Variants in GIGYF2 observed in about 807,000 individuals in gnomAD.
The protein encoded by GIGYF2 is GRB10 interacting GYF protein 2.
In GIGYF2, 25 loss-of-function variants were observed where a neutral mutation model predicts 208.1. The observed-to-expected ratio is 0.12, with a 90% CI of 0.09 to 0.17. The LOEUF is 0.17. Among genes scored for constraint, GIGYF2 ranks in the 10% least tolerant of loss-of-function variants. The pLI is 1.00. For missense variants in GIGYF2, 1,302 were observed against 1,579.4 expected (o/e 0.82, Z 2.98); for synonymous variants, 534 against 543.8 (o/e 0.98, Z 0.25).
intron 8 of GIGYF2, among the ~76,000 whole-genome samples, chr2:232,763,063 C>CAG (rs1698812622): frequency 6.6e-6 from 1 of 152,104 alleles, no homozygotes; most frequent in African/African-American, 2.4e-5. Context: ...AAATTGGGAA[C>CAG]AGACTAGGTA....
intron 14 of GIGYF2, among the ~76,000 whole-genome samples, chr2:232,804,129 T>A (rs1344196418): frequency 6.6e-6 from 1 of 152,164 alleles, no homozygotes; most frequent in Non-Finnish European, 1.5e-5. Flanking sequence ...GCTTTGTATT[T>A]CCTTCGCCTT....
At chr2:232,769,013 A>G (rs1391347977) in intron 8 of GIGYF2, among the ~76,000 whole-genome samples, 3 of 152,228 alleles carry the variant, frequency 2.0e-5, no homozygotes, top group Admixed American at 1.3e-4. Flanking sequence ...TTTAAAAACC[A>G]TGATTTCAGA....
chr2:232,855,292 T>C (rs1367343895), intron 28 of GIGYF2, among the ~76,000 whole-genome samples: 1 of 152,190 alleles, frequency 6.6e-6, no homozygotes, highest in Non-Finnish European at 1.5e-5. Flanking sequence ...TTTGCCATGT[T>C]GGCCAGTCTG....
intron 3 of GIGYF2, among the ~76,000 whole-genome samples, chr2:232,747,315 C>T (rs986840981): frequency 8.6e-5 from 13 of 151,936 alleles, no homozygotes; most frequent in African/African-American, 1.9e-4. Flanking sequence ...TAATCATATG[C>T]GCCTTTTAAA....
At chr2:232,836,016 G>A (rs1347202243) in intron 22 of GIGYF2, among the ~76,000 whole-genome samples, 1 of 151,612 alleles carries the variant, frequency 6.6e-6, no homozygotes, top group Non-Finnish European at 1.5e-5. Flanking sequence ...CAGCTTGTTG[G>A]AACAGAAAAC....
At chr2:232,750,042 G>C (rs1053104170) in intron 5 of GIGYF2, among the ~76,000 whole-genome samples, 3 of 152,002 alleles carry the variant, frequency 2.0e-5, no homozygotes, top group African/African-American at 7.3e-5. Context: ...AAAATTAGCC[G>C]AGCATGGTGA....
chr2:232,844,694 C>A, intron 25 of GIGYF2, 120 bp downstream of exon 25: 1 of 723,056 alleles, frequency 1.4e-6, no homozygotes, highest in Non-Finnish European at 2.5e-6. Flanking sequence ...CCGTTTTCAT[C>A]TGTGTTCAAG....
chr2:232,782,288 C>A (rs1699745837), intron 8 of GIGYF2, among the ~76,000 whole-genome samples: 1 of 152,088 alleles, frequency 6.6e-6, no homozygotes, highest in Admixed American at 6.6e-5. Flanking sequence ...GTTTCAAACT[C>A]CTAAACTCAA....
chr2:232,733,188 C>T (rs1462155502), intron 2 of GIGYF2, among the ~76,000 whole-genome samples: 3 of 148,396 alleles, frequency 2.0e-5, no homozygotes, highest in East Asian at 2.0e-4. Context: ...ACCCGGGAGG[C>T]GGAGCTTACA....
intron 7 of GIGYF2, 172 bp downstream of exon 7, chr2:232,760,763 A>T: frequency 2.1e-5 from 12 of 580,228 alleles, no homozygotes; most frequent in Non-Finnish European, 3.7e-5. Flanking sequence ...TTCTTATTTA[A>T]AGGAAGACGG....
chr2:232,758,463 G>T (rs577375355), intron 6 of GIGYF2, among the ~76,000 whole-genome samples: 7 of 152,266 alleles, frequency 4.6e-5, no homozygotes, highest in Non-Finnish European at 1.0e-4. Context: ...AAAGAATAGG[G>T]TGAATTCTTA....
chr2:232,787,759 G>C (rs1699959772), intron 9 of GIGYF2, among the ~76,000 whole-genome samples: 1 of 152,036 alleles, frequency 6.6e-6, no homozygotes, highest in Non-Finnish European at 1.5e-5. Flanking sequence ...TTTCCCTTTT[G>C]AAAATGTGAT....
intron 27 of GIGYF2, among the ~76,000 whole-genome samples, chr2:232,849,172 A>AT (rs974318576): frequency 1.1e-4 from 17 of 149,778 alleles, no homozygotes; most frequent in Admixed American, 4.0e-4. Flanking sequence ...GGAAAAACAA[A>AT]TTTTTTTTTT....
At chr2:232,734,188 C>T (rs529701029) in intron 2 of GIGYF2, among the ~76,000 whole-genome samples, 91 of 149,488 alleles carry the variant, frequency 6.1e-4, no homozygotes, top group Non-Finnish European at 1.1e-3. Context: ...GGGCCCAAGC[C>T]GTCTGCCTGG....
intron 2 of GIGYF2, among the ~76,000 whole-genome samples, chr2:232,726,839 C>G (rs1697223661): frequency 6.6e-6 from 1 of 152,168 alleles, no homozygotes; most frequent in Non-Finnish European, 1.5e-5. Context: ...CACTAAGCAA[C>G]TGTGATTTTA....
chr2:232,709,871 A>G (rs563122324), intron 2 of GIGYF2, among the ~76,000 whole-genome samples: 2 of 152,142 alleles, frequency 1.3e-5, no homozygotes, highest in South Asian at 4.2e-4. Context: ...GGCTCAAGTG[A>G]TCCTCCCGCC....
Position 232,858,341 on chromosome 2 carries a change from G to A in GIGYF2, c.*1481G>A. ...ATTTGGCTTCTATTTTTATTATTTT[G>A]GATCACCATTCTCCCTATCCCTTCT... On this transcript the variant is annotated 3_prime_UTR_variant, in exon 29 of 29. Transcript: ENST00000373563. 2 of 389,114 alleles carry A rather than the reference G, an allele frequency of 5.1e-6. No homozygotes were observed. The highest frequency in any genetic ancestry group is 5.0e-6 in the Non-Finnish European group (1 of 199,840). The allele number at this position is 389,114 out of a possible 1,614,324, so 24.1% of individuals were successfully genotyped here.
At position 232,814,404 on chromosome 2, in the gene GIGYF2, T is replaced by TA. The variant is rs961830265; in HGVS notation, c.2108-1224dup. Among the ~76,000 whole-genome samples, 17 of 150,354 alleles carry TA rather than the reference T, an allele frequency of 1.1e-4. No individual in the cohort carries two copies. In the East Asian group the frequency reaches 2.0e-3, roughly 17 times the overall value. ...GGTGAAACCCCATCTCTACTAAAAA[T>TA]AAAAAAAAATTAGCCAGGTGTGGTG... On this transcript the variant is annotated intron_variant, in intron 18 of 28. Transcript: ENST00000373563.
At chr2:232,731,127 G>C (rs1697474205) in intron 2 of GIGYF2, 1 of 152,108 alleles carries the variant, frequency 6.6e-6, no homozygotes, top group Admixed American at 6.5e-5. Flanking sequence ...CTTAGATGCT[G>C]CTTGAATCTG....
Sources: allele counts gnomAD v4.1 joint callset (sites outside exome capture counted in the v4.1 genomes callset), GRCh38; gene constraint gnomAD v4.1.1; transcripts MANE v1.5; gene names NCBI Gene and HGNC (gene_info 2026-07-23, HGNC 2026-07-21).